IQCM: variants seen among roughly 807,000 people sequenced by gnomAD.
The protein encoded by IQCM is IQ domain-containing protein M.
A neutral mutation model predicts 57.6 loss-of-function variants in IQCM; 45 were observed. That is an observed-to-expected ratio of 0.78 (90% confidence interval 0.62 to 1.00). The LOEUF (loss-of-function observed/expected upper bound fraction) is 1.00. IQCM is among the 50% of genes least tolerant of loss of function. IQCM has a pLI of 0.00. For missense variants in IQCM, 468 were observed against 511.6 expected (o/e 0.91, Z 0.82); for synonymous variants, 148 against 158.9 (o/e 0.93, Z 0.51).
intron 13 of IQCM, among the ~76,000 whole-genome samples, chr4:149,377,768 T>C (rs1730795841): frequency 6.6e-6 from 1 of 152,096 alleles, no homozygotes; most frequent in Admixed American, 6.6e-5. Flanking sequence ...GACATGCGGG[T>C]AGCTTGAAAT....
intron 12 of IQCM, among the ~76,000 whole-genome samples, chr4:149,481,715 T>TTTTTTTTTTGTTTTTTTTTG (rs1740895172): frequency 7.2e-6 from 1 of 138,342 alleles, no homozygotes; most frequent in African/African-American, 2.6e-5. Flanking sequence ...TTTTTTTTTT[T>TTTTTTTTTTGTTTTTTTTTG]TTTTTTTGCT....
At chr4:149,582,148 A>G (rs1251887946) in intron 9 of IQCM, among the ~76,000 whole-genome samples, 3 of 150,758 alleles carry the variant, frequency 2.0e-5, no homozygotes, top group African/African-American at 7.3e-5. Flanking sequence ...GAGATTAAAA[A>G]TGAAAGAAAA....
chr4:149,565,488 C>T (rs1475492460), intron 9 of IQCM, among the ~76,000 whole-genome samples: 2 of 152,142 alleles, frequency 1.3e-5, no homozygotes, highest in African/African-American at 4.8e-5. Context: ...CTTGTACTAT[C>T]TCCTGATATT....
chr4:149,683,987 T>A (rs1477515450), intron 6 of IQCM, among the ~76,000 whole-genome samples: 3 of 151,332 alleles, frequency 2.0e-5, no homozygotes, highest in Non-Finnish European at 4.4e-5. Flanking sequence ...AAATCCAGGC[T>A]CACTTGCCTA....
intron 7 of IQCM, among the ~76,000 whole-genome samples, chr4:149,655,349 A>C (rs1263796659): frequency 6.6e-6 from 1 of 152,172 alleles, no homozygotes; most frequent in East Asian, 1.9e-4. Flanking sequence ...CTCTTTTCTT[A>C]CATCCCACAA....
intron 12 of IQCM, among the ~76,000 whole-genome samples, chr4:149,541,236 G>A (rs559991905): frequency 8.5e-5 from 13 of 152,208 alleles, no homozygotes; most frequent in Non-Finnish European, 1.9e-4. Context: ...GTTACAGTTT[G>A]CCACTAACTA....
At chr4:149,651,739 T>C (rs1759198849) in intron 7 of IQCM, among the ~76,000 whole-genome samples, 1 of 152,134 alleles carries the variant, frequency 6.6e-6, no homozygotes, top group Non-Finnish European at 1.5e-5. Flanking sequence ...ACTAAACATA[T>C]GGCCTAAGAA....
At chr4:149,437,876 T>C (rs1301452644) in intron 12 of IQCM, among the ~76,000 whole-genome samples, 4 of 152,116 alleles carry the variant, frequency 2.6e-5, no homozygotes, top group Admixed American at 6.6e-5. Context: ...AGAACAATAA[T>C]TTACATTGAA....
chr4:149,632,922 G>C (rs1410663629), intron 7 of IQCM, among the ~76,000 whole-genome samples: 1 of 152,000 alleles, frequency 6.6e-6, no homozygotes, highest in Non-Finnish European at 1.5e-5. Flanking sequence ...AGCACTTTGG[G>C]AGGCCGAGGC....
chr4:149,807,572 A>C (rs906326262), intron 2 of IQCM, among the ~76,000 whole-genome samples: 6 of 152,086 alleles, frequency 3.9e-5, no homozygotes, highest in African/African-American at 1.2e-4. Flanking sequence ...CACAGCAAAA[A>C]TAGACAAAAG....
intron 2 of IQCM, among the ~76,000 whole-genome samples, chr4:149,813,481 G>A (rs1049154933): frequency 5.9e-5 from 9 of 152,032 alleles, no homozygotes; most frequent in African/African-American, 2.2e-4. Context: ...TTAAGTCAGT[G>A]ACAGGAAAAG....
intron 5 of IQCM, among the ~76,000 whole-genome samples, chr4:149,720,570 T>C (rs1457224703): frequency 6.6e-6 from 1 of 152,158 alleles, no homozygotes; most frequent in Non-Finnish European, 1.5e-5. Context: ...AAGGAGCATG[T>C]TCAAGACATT....
At chr4:149,746,587 C>A (rs1453002049) in intron 2 of IQCM, among the ~76,000 whole-genome samples, 1 of 152,136 alleles carries the variant, frequency 6.6e-6, no homozygotes, top group Non-Finnish European at 1.5e-5. Flanking sequence ...CTCTCTTATG[C>A]AACTGAGTAT....
intron 5 of IQCM, among the ~76,000 whole-genome samples, chr4:149,716,830 C>T (rs1765044295): frequency 6.6e-6 from 1 of 152,140 alleles, no homozygotes; most frequent in Non-Finnish European, 1.5e-5. Context: ...TCAGAAAATC[C>T]TTTAGGTTCT....
chr4:149,708,796 A>G (rs1764347011), intron 5 of IQCM, among the ~76,000 whole-genome samples: 1 of 152,060 alleles, frequency 6.6e-6, no homozygotes, highest in African/African-American at 2.4e-5. Flanking sequence ...ACATGAAACG[A>G]CAAAGGATGC....
chr4:149,486,533 G>T (rs188368723), intron 12 of IQCM, among the ~76,000 whole-genome samples: 9 of 152,250 alleles, frequency 5.9e-5, no homozygotes, highest in Non-Finnish European at 1.2e-4. Flanking sequence ...TGAATCACAA[G>T]GTCAGGAGTT....
At chr4:149,400,682 A>G (rs970108278) in intron 13 of IQCM, among the ~76,000 whole-genome samples, 1 of 152,014 alleles carries the variant, frequency 6.6e-6, no homozygotes, top group Non-Finnish European at 1.5e-5. Context: ...AAAAATAACT[A>G]AATTAATATA....
chr4:149,460,666 A>T (rs1738174813), intron 12 of IQCM, among the ~76,000 whole-genome samples: 1 of 152,148 alleles, frequency 6.6e-6, no homozygotes, highest in South Asian at 2.1e-4. Context: ...ATAAAGGAAG[A>T]TCAGAAGGAA....
At chr4:149,502,649 G>A (rs553403816) in intron 12 of IQCM, among the ~76,000 whole-genome samples, 9 of 152,254 alleles carry the variant, frequency 5.9e-5, no homozygotes, top group African/African-American at 1.9e-4. Flanking sequence ...ACTCCAGCCT[G>A]GGTGAGAGAA....
Sources: gnomAD v4.1 joint callset for allele counts (sites outside exome capture counted in the v4.1 genomes callset) on GRCh38, gnomAD v4.1.1 for gene constraint, MANE v1.5 for transcripts, NCBI Gene and HGNC (gene_info 2026-07-23, HGNC 2026-07-21) for gene names.